The following PRRC2B variants were observed in gnomAD, a reference collection of about 807,000 sequenced individuals.
PRRC2B encodes protein PRRC2B.
A neutral mutation model predicts 242.3 loss-of-function variants in PRRC2B; 68 were observed. That is an observed-to-expected ratio of 0.28 (90% CI 0.23 to 0.34). The LOEUF is 0.34. Ranked by LOEUF, PRRC2B falls within the 10% of genes least tolerant of loss-of-function variation. The probability of loss-of-function intolerance (pLI) is 1.00; values close to 1 mark genes in which losing one functional copy is unlikely to be tolerated. For synonymous variants in PRRC2B, 1,228 were observed against 1,173.6 expected (o/e 1.05, Z -0.95); for missense variants, 2,835 against 2,954.8 (o/e 0.96, Z 0.94).
intron 1 of PRRC2B, among the ~76,000 whole-genome samples, chr9:131,409,546 A>G (rs1423694397): frequency 5.3e-5 from 8 of 152,222 alleles, no homozygotes; most frequent in African/African-American, 1.9e-4. Context: ...TTGGTTACAA[A>G]GATAATAACA....
chr9:131,466,145 G>C (rs1208591822), intron 12 of PRRC2B, among the ~76,000 whole-genome samples: 1 of 152,234 alleles, frequency 6.6e-6, no homozygotes, highest in South Asian at 2.1e-4. Flanking sequence ...ACTCAGATCA[G>C]CTCTTGTTAG....
In PRRC2B at chr9:131,447,734, C is replaced by A; in HGVS notation, c.1050C>A (p.Pro350=). Residue 350 remains proline, a synonymous_variant, in exon 9 of 32, where the codon CCC becomes CCA. Coordinates refer to ENST00000683519, the MANE Select transcript of PRRC2B (RefSeq NM_013318.4). The part of the protein sequence containing the change: ...LRQLVERAPR[P]TIINAENLKG... The stretch of plus-strand genomic sequence containing the variant: ...AGCTGGTGGAGCGGGCACCACGGCC[C>A]ACCATTATCAATGCGGAAAACCTGA... 6.2e-7 allele frequency: 1 copy of A among 1,613,788 alleles called. No individual in the cohort carries two copies. The highest frequency in any genetic ancestry group is 1.1e-5 in the South Asian group (1 of 91,058).
rs968360802 is a variant in PRRC2B at position 131,494,770 on chromosome 9, G to A, written c.6555+284G>A. 2.0e-5 allele frequency among the ~76,000 whole-genome samples: 3 copies of A among 152,186 alleles called. No homozygotes were observed. Among genetic ancestry groups the A allele is most frequent in the Admixed American group, 6.5e-5 (1 of 15,290 alleles). ...GAAGGTGGACCAGCCCTGGCAGGTC[G>A]GGGCTGAGGCGCCCTGGGAGACTCG... is the stretch of plus-strand genomic sequence containing the variant. On this transcript the variant is annotated intron_variant, in intron 31 of 31. Coordinates refer to ENST00000683519, the MANE Select transcript of PRRC2B (RefSeq NM_013318.4). The surrounding 1 kb of genome is among the most constrained non-coding windows in gnomAD (Gnocchi z 4.3).
intron 14 of PRRC2B, 68 bp from the exon 15 acceptor site, chr9:131,473,440 G>A (rs1009047885): frequency 4.2e-5 from 53 of 1,250,684 alleles, no homozygotes; most frequent in Non-Finnish European, 5.7e-5. Context: ...TTGGGCCTTT[G>A]GTTGACCCTG....
At chr9:131,379,688 C>G (rs959614283) in intron 1 of PRRC2B, among the ~76,000 whole-genome samples, 5 of 144,050 alleles carry the variant, frequency 3.5e-5, no homozygotes, top group African/African-American at 1.3e-4. Context: ...TGCAATGGTG[C>G]GATCACAGCT....
At chr9:131,472,143 T>G (rs562666159) in intron 14 of PRRC2B, among the ~76,000 whole-genome samples, 1 of 152,336 alleles carries the variant, frequency 6.6e-6, no homozygotes, top group South Asian at 2.1e-4. Context: ...TGTTGATAAG[T>G]ATTTGAAGTC....
intron 3 of PRRC2B, among the ~76,000 whole-genome samples, chr9:131,436,366 C>CA (rs1025582135): frequency 1.7e-4 from 25 of 151,222 alleles, no homozygotes; most frequent in South Asian, 6.3e-4. Flanking sequence ...CCCCCTGTCT[C>CA]AAAAAAAAGA....
At chr9:131,453,255 A>G (rs550328375) in intron 9 of PRRC2B, among the ~76,000 whole-genome samples, 1 of 152,214 alleles carries the variant, frequency 6.6e-6, no homozygotes, top group East Asian at 1.9e-4. Flanking sequence ...ATCTTTTTCC[A>G]TTCTTTTCCT....
At chr9:131,404,620 T>G (rs930692176) in intron 1 of PRRC2B, among the ~76,000 whole-genome samples, 3 of 152,164 alleles carry the variant, frequency 2.0e-5, no homozygotes, top group Non-Finnish European at 4.4e-5. Context: ...AGGAAGTTCT[T>G]GGGATTCCTC....
chr9:131,437,119 T>A (rs1320285946), intron 4 of PRRC2B, among the ~76,000 whole-genome samples: 1 of 152,118 alleles, frequency 6.6e-6, no homozygotes, highest in African/African-American at 2.4e-5. Context: ...AAAGGTTCAC[T>A]GGCCAGGTGA....
Position 131,388,933 on chromosome 9 carries a change from C to T in PRRC2B, c.-56+15202C>T, listed in dbSNP as rs192075764. Among the ~76,000 whole-genome samples, 602 of 149,008 alleles carry T rather than the reference C, an allele frequency of 4.0e-3. 33 individuals carry two copies. Among genetic ancestry groups the T allele is most frequent in the Non-Finnish European group, 5.6e-3 (376 of 67,056 alleles). On this transcript the variant is annotated intron_variant, in intron 1 of 1. Transcript: ENST00000682525. The stretch of plus-strand genomic sequence containing the variant: ...TTGGCTCACTGCAACCTCCCCCTCC[C>T]GGATTCAACCAATTCTCCTGCCTCG...
At chr9:131,382,990 A>G (rs1048922024) in intron 1 of PRRC2B, among the ~76,000 whole-genome samples, 4 of 152,062 alleles carry the variant, frequency 2.6e-5, no homozygotes, top group Admixed American at 6.6e-5. Context: ...AGGTGGGGCC[A>G]CATCTCTAGT....
At chr9:131,451,422 A>AT (rs1301631280) in intron 9 of PRRC2B, among the ~76,000 whole-genome samples, 4 of 151,870 alleles carry the variant, frequency 2.6e-5, no homozygotes, top group Non-Finnish European at 5.9e-5. Flanking sequence ...AATACAGTTG[A>AT]TTTTTTTGTG....
At chr9:131,483,049 G>T (rs1392474179) in intron 22 of PRRC2B, 142 bp downstream of exon 22, 5 of 1,002,734 alleles carry the variant, frequency 5.0e-6, no homozygotes, top group Non-Finnish European at 7.3e-6. Flanking sequence ...TAGAGTGTTG[G>T]TGTGGAGTCC....
At chr9:131,432,968 C>T (rs576158306) in intron 3 of PRRC2B, among the ~76,000 whole-genome samples, 174 bp downstream of exon 3, 63 of 152,334 alleles carry the variant, frequency 4.1e-4, no homozygotes, top group African/African-American at 1.5e-3. Flanking sequence ...GGCCCTGGTG[C>T]TTCGTATGTT....
At position 131,491,556 on chromosome 9, in the gene PRRC2B, G is replaced by T. The variant is rs376038349; in HGVS notation, c.6357G>T (p.Pro2119=). 43 of 1,611,338 alleles carry T rather than the reference G, an allele frequency of 2.7e-5. No individual in the cohort carries two copies. Among genetic ancestry groups the T allele is most frequent in the Non-Finnish European group, 3.6e-5 (43 of 1,179,094 alleles). The part of the protein sequence containing the change: ...PRRIPPPGSQ[P]PVLNTSREPS... The stretch of plus-strand genomic sequence containing the variant: ...GGATTCCTCCGCCCGGGTCCCAGCC[G>T]CCAGTCCTGAACACCAGCAGAGAGG... Residue 2119 remains proline (P), a synonymous_variant, in exon 29 of 32, where the codon CCG becomes CCT. Coordinates refer to ENST00000683519, the MANE Select transcript of PRRC2B (RefSeq NM_013318.4).
intron 11 of PRRC2B, 82 bp downstream of exon 11, chr9:131,459,438 ATTTCTT>A: frequency 8.9e-7 from 1 of 1,123,982 alleles, no homozygotes; most frequent in Non-Finnish European, 1.3e-6. Context: ...CTAAGTGGGC[ATTTCTT>A]TTTCATTTTT....
intron 5 of PRRC2B, among the ~76,000 whole-genome samples, chr9:131,443,121 A>G (rs1838661557): frequency 7.7e-6 from 1 of 130,240 alleles, no homozygotes; most frequent in Non-Finnish European, 1.6e-5. Flanking sequence ...TATTTATTTT[A>G]TTTTATTTTA....
chr9:131,447,862 C>T, intron 9 of PRRC2B, 58 bp downstream of exon 9: 1 of 1,525,192 alleles, frequency 6.6e-7, no homozygotes. Flanking sequence ...TATGTACTTA[C>T]CAGGGATGGA....
Sources: allele counts gnomAD v4.1 joint callset (sites outside exome capture counted in the v4.1 genomes callset), GRCh38; gene constraint gnomAD v4.1.1; non-coding constraint Gnocchi (gnomAD v3.1); transcripts MANE v1.5; gene names NCBI Gene and HGNC (gene_info 2026-07-23, HGNC 2026-07-21).